The following ATP8B4 variants were observed in gnomAD, a reference collection of about 807,000 sequenced individuals.
The protein encoded by ATP8B4 is probable phospholipid-transporting ATPase IM.
ATP8B4 carries 133 observed loss-of-function variants against 145.6 expected under a neutral mutation model. The ratio of observed to expected loss-of-function variants is 0.91; its 90% CI spans 0.79 to 1.05. The LOEUF is 1.05. ATP8B4 is among the 50% of genes least tolerant of loss of function. ATP8B4 has a pLI of 0.00. For missense variants in ATP8B4, 1,458 were observed against 1,425.2 expected, an observed-to-expected ratio of 1.02 and a Z score of -0.37; for synonymous variants, 507 against 492.9, an observed-to-expected ratio of 1.03 and a Z score of -0.38.
intron 1 of ATP8B4, among the ~76,000 whole-genome samples, chr15:50,153,493 C>G (rs147030865): frequency 1.3e-5 from 2 of 152,134 alleles, no homozygotes; most frequent in Non-Finnish European, 2.9e-5. Flanking sequence ...CGCCTGCCAC[C>G]GTGCCCAGCT....
At chr15:49,986,467 A>C (rs759176679) in intron 10 of ATP8B4, among the ~76,000 whole-genome samples, 10 of 152,252 alleles carry the variant, frequency 6.6e-5, no homozygotes, top group Admixed American at 6.5e-4. Flanking sequence ...GGATTTCCCA[A>C]GTCTTTACAA....
intron 24 of ATP8B4, among the ~76,000 whole-genome samples, chr15:49,877,684 G>A (rs1361557110): frequency 6.6e-6 from 1 of 151,982 alleles, no homozygotes; most frequent in African/African-American, 2.4e-5. Context: ...TACTTAATCC[G>A]CCTGAGCCTT....
intron 1 of ATP8B4, among the ~76,000 whole-genome samples, chr15:50,180,869 G>C (rs1252129655): frequency 6.6e-6 from 1 of 152,120 alleles, no homozygotes; most frequent in African/African-American, 2.4e-5. Flanking sequence ...AAAACGGCAG[G>C]GGGTGGCCTG....
chr15:49,917,773 A>G (rs1238802580), intron 19 of ATP8B4, among the ~76,000 whole-genome samples: 1 of 152,208 alleles, frequency 6.6e-6, no homozygotes, highest in Non-Finnish European at 1.5e-5. Flanking sequence ...CTATGGAATC[A>G]TTAGTTTTGT....
intron 14 of ATP8B4, among the ~76,000 whole-genome samples, chr15:49,952,557 G>A (rs749439464): frequency 6.6e-6 from 1 of 152,104 alleles, no homozygotes; most frequent in Non-Finnish European, 1.5e-5. Context: ...GGTCATTTAT[G>A]TTCCTCTCTA....
At position 49,961,990 on chromosome 15, in the gene ATP8B4, G is replaced by C; in HGVS notation, c.1274C>G (p.Thr425Arg). ...GEVHDDLDQKTEITQEKEPVD... is the reference protein window; with the variant it reads ...GEVHDDLDQKREITQEKEPVD... ...TCACTTCCACACCTGAGTTATTTCT[G>C]TCTTCTGATCCAGGTCATCATGTAC... Residue 425 changes from threonine (T) to arginine (R), a missense_variant, in exon 14 of 28, where the codon ACA (threonine) becomes AGA (arginine). Transcript: ENST00000284509. The C allele has an allele frequency of 6.3e-7, 1 of 1,595,344 alleles. No homozygotes were observed. The highest frequency in any genetic ancestry group is 8.5e-7 in the Non-Finnish European group (1 of 1,174,104).
intron 20 of ATP8B4, among the ~76,000 whole-genome samples, chr15:49,914,474 G>C (rs1197384039): frequency 1.3e-5 from 2 of 152,022 alleles, no homozygotes; most frequent in African/African-American, 4.8e-5. Context: ...ACATAGGCAA[G>C]TGAGACTACA....
intron 1 of ATP8B4, among the ~76,000 whole-genome samples, chr15:50,170,687 A>G (rs2044658960): frequency 6.6e-6 from 1 of 152,192 alleles, no homozygotes; most frequent in Admixed American, 6.5e-5. Flanking sequence ...AGCACAATAA[A>G]TGCAATGGTA....
chr15:50,016,919 AG>A (rs1429999028), intron 6 of ATP8B4, among the ~76,000 whole-genome samples: 80 of 152,136 alleles, frequency 5.3e-4, no homozygotes, highest in East Asian at 1.9e-4. Flanking sequence ...CATTCCCTTG[AG>A]GGGCAGTGGG....
At chr15:50,131,310 A>C (rs1021801203) in intron 1 of ATP8B4, among the ~76,000 whole-genome samples, 1 of 152,248 alleles carries the variant, frequency 6.6e-6, no homozygotes, top group African/African-American at 2.4e-5. Flanking sequence ...TAAGTGCTTC[A>C]TATATAGTAA....
In ATP8B4 at chr15:49,979,831, T is replaced by C. The variant is rs765486202; in HGVS notation, c.838-18A>G. ...CCAAAAATCTGAAATAAGATAGAAG[T>C]GTGGTTAAGGTTAACTTGAACTCAA... On this transcript the variant is annotated intron_variant, in intron 11 of 27. Transcript: ENST00000284509. 3 of 1,533,452 alleles carry C rather than the reference T, an allele frequency of 2.0e-6. No individual in the cohort carries two copies. The highest frequency in any genetic ancestry group is 2.4e-5 in the South Asian group (2 of 83,422). 95.0% of individuals were successfully genotyped at this position (1,533,452 alleles called of 1,614,324 possible).
chr15:50,018,040 T>C (rs1599838145), intron 6 of ATP8B4, among the ~76,000 whole-genome samples: 1 of 148,710 alleles, frequency 6.7e-6, no homozygotes, highest in Admixed American at 6.9e-5. Flanking sequence ...CAGGCTGGAG[T>C]GCAGTGGCAC....
At chr15:49,878,503 T>C (rs1488859199) in intron 24 of ATP8B4, among the ~76,000 whole-genome samples, 1 of 152,118 alleles carries the variant, frequency 6.6e-6, no homozygotes, top group East Asian at 1.9e-4. Context: ...CTGGAGAAAA[T>C]GTGGTCTCCT....
At chr15:50,106,637 T>C (rs570206003) in intron 2 of ATP8B4, among the ~76,000 whole-genome samples, 12 of 152,226 alleles carry the variant, frequency 7.9e-5, no homozygotes, top group Non-Finnish European at 1.6e-4. Flanking sequence ...TATGATTTCA[T>C]TTATATTCAT....
At chr15:49,872,526 G>A (rs1223113430) in intron 25 of ATP8B4, among the ~76,000 whole-genome samples, 1 of 152,088 alleles carries the variant, frequency 6.6e-6, no homozygotes. Context: ...AGCATCACCT[G>A]TATAAATCAT....
At chr15:50,038,902 T>C in intron 5 of ATP8B4, 73 bp from the exon 6 acceptor site, 2 of 1,293,384 alleles carry the variant, frequency 1.5e-6, no homozygotes, top group Non-Finnish European at 2.2e-6. Flanking sequence ...ACACTGGCAA[T>C]ACTTTGAGTT....
At chr15:50,082,969 T>C (rs1766135740) in intron 2 of ATP8B4, among the ~76,000 whole-genome samples, 1 of 152,288 alleles carries the variant, frequency 6.6e-6, no homozygotes, top group East Asian at 1.9e-4. Flanking sequence ...GAGGAGATTC[T>C]AGATATAAGG....
intron 1 of ATP8B4, among the ~76,000 whole-genome samples, chr15:50,147,393 G>A (rs1249444711): frequency 3.4e-5 from 5 of 145,770 alleles, no homozygotes; most frequent in Non-Finnish European, 6.0e-5. Flanking sequence ...TCCATCCTGG[G>A]TGACAGAGAG....
intron 13 of ATP8B4, 98 bp from the exon 14 acceptor site, chr15:49,962,118 A>C: frequency 1.2e-6 from 1 of 863,010 alleles, no homozygotes; most frequent in Non-Finnish European, 1.8e-6. Flanking sequence ...TTACATCACC[A>C]TTACTAAATG....
Sources: allele counts gnomAD v4.1 joint callset (sites outside exome capture counted in the v4.1 genomes callset), GRCh38; gene constraint gnomAD v4.1.1; transcripts MANE v1.5; gene names NCBI Gene and HGNC (gene_info 2026-07-23, HGNC 2026-07-21).